TNPO1: variants seen among roughly 807,000 people sequenced by gnomAD.
The protein encoded by TNPO1 is transportin 1, also known as transportin-1.
Under a neutral mutation model 119.5 loss-of-function variants are expected in TNPO1, and 8 were observed. The ratio of observed to expected loss-of-function variants is 0.07; its 90% CI spans 0.04 to 0.12. TNPO1 has a LOEUF of 0.12. Among genes scored for constraint, TNPO1 ranks in the 10% least tolerant of loss-of-function variants. The pLI is 1.00. For missense variants in TNPO1, 576 were observed against 1,089.8 expected, an observed-to-expected ratio of 0.53 and a Z score of 6.64; for synonymous variants, 362 against 363.0, an observed-to-expected ratio of 1.00 and a Z score of 0.03.
intron 6 of TNPO1, among the ~76,000 whole-genome samples, chr5:72,870,484 TTTCTAC>T (rs1306419783): frequency 1.3e-5 from 2 of 152,038 alleles, no homozygotes; most frequent in Non-Finnish European, 2.9e-5. Context: ...TTAATGAAGT[TTTCTAC>T]TTTTCTTTTT....
At chr5:72,842,320 CACTGGAG>C (rs1744950384) in intron 1 of TNPO1, among the ~76,000 whole-genome samples, 2 of 150,556 alleles carry the variant, frequency 1.3e-5, no homozygotes, top group African/African-American at 5.0e-5. Context: ...CCAGACTGGA[CACTGGAG>C]CCAGATTAGT....
intron 18 of TNPO1, among the ~76,000 whole-genome samples, chr5:72,894,640 C>G (rs1372140942): frequency 2.0e-5 from 3 of 152,154 alleles, no homozygotes; most frequent in African/African-American, 7.2e-5. Flanking sequence ...CACTACACTC[C>G]AGCCTGGGCA....
Position 72,908,917 on chromosome 5 carries a change from GT to G in TNPO1, c.*246del. On this transcript the variant is annotated 3_prime_UTR_variant, in exon 25 of 25. Coordinates refer to ENST00000337273, the MANE Select transcript of TNPO1 (RefSeq NM_002270.4). The stretch of plus-strand genomic sequence containing the variant: ...CTTTGTGGGTGGAAATATGTCTCCA[GT>G]TACAACTCCGCAGTGGATGTGAAGA... The G allele has an allele frequency of 2.2e-6, 1 of 452,168 alleles. No homozygotes were observed. Among genetic ancestry groups the G allele is most frequent in the Non-Finnish European group, 4.4e-6 (1 of 224,978 alleles). 28.0% of individuals were successfully genotyped at this position (452,168 alleles called of 1,614,324 possible).
chr5:72,884,217 G>A (rs1748459051), intron 11 of TNPO1, among the ~76,000 whole-genome samples: 1 of 152,108 alleles, frequency 6.6e-6, no homozygotes, highest in Non-Finnish European at 1.5e-5. Context: ...TTCTTCACAT[G>A]CTCACTTGCT....
Position 72,887,066 on chromosome 5 carries a change from T to C in TNPO1, c.1151-4T>C. 6.2e-7 allele frequency: 1 copy of C among 1,603,066 alleles called. No individual in the cohort carries two copies. Among genetic ancestry groups the C allele is most frequent in the Non-Finnish European group, 8.5e-7 (1 of 1,174,882 alleles). Reference sequence around the variant, plus strand: ...TAATATTTTTGAATTAAATATTTCCTTAGGAAAATGTTCTGCTGCTGCCCT... The same window carrying C: ...TAATATTTTTGAATTAAATATTTCCCTAGGAAAATGTTCTGCTGCTGCCCT... On this transcript the variant is annotated splice_region_variant and splice_polypyrimidine_tract_variant and intron_variant, in intron 11 of 24. Transcript: ENST00000337273.
At chr5:72,833,008 A>G (rs1370328433) in intron 1 of TNPO1, among the ~76,000 whole-genome samples, 1 of 152,150 alleles carries the variant, frequency 6.6e-6, no homozygotes, top group Non-Finnish European at 1.5e-5. Context: ...CATGGCAGTC[A>G]TCAGCCTTCA....
At chr5:72,868,871 G>C (rs547284687) in intron 6 of TNPO1, among the ~76,000 whole-genome samples, 1 of 152,194 alleles carries the variant, frequency 6.6e-6, no homozygotes, top group East Asian at 1.9e-4. Context: ...AGCTGGACGT[G>C]GTGGCGGGTG....
In TNPO1 at chr5:72,903,300, ATATT is replaced by A. The variant is rs1338900355; in HGVS notation, c.2515-406_2515-403del. ...ATTTCAAATCAAGGTCATTTAATATATATTTAGCTAGCTTTAATTTCTTTCTAGG... is the reference window on the plus strand; with the variant it reads ...ATTTCAAATCAAGGTCATTTAATATATAGCTAGCTTTAATTTCTTTCTAGG... On this transcript the variant is annotated intron_variant, in intron 22 of 24. Transcript: ENST00000337273. Among the ~76,000 whole-genome samples the A allele has an allele frequency of 7.8e-4, 119 of 152,156 alleles. 1 individual carries two copies. The highest frequency in any genetic ancestry group is 7.8e-3 in the Admixed American group (119 of 15,268).
intron 11 of TNPO1, among the ~76,000 whole-genome samples, chr5:72,883,518 C>G (rs1007331760): frequency 6.6e-6 from 1 of 152,168 alleles, no homozygotes; most frequent in Non-Finnish European, 1.5e-5. Context: ...TGGAGTCATA[C>G]AATGCATTGT....
chr5:72,909,125 T>C lies in TNPO1; in HGVS notation c.*452T>C, dbSNP rs1289875041. On this transcript the variant is annotated 3_prime_UTR_variant, in exon 25 of 25. Coordinates refer to ENST00000337273, the MANE Select transcript of TNPO1 (RefSeq NM_002270.4). ...AGTTACAAATAGTAAAGAAGCTTTT[T>C]TTTTTTTTTTAATTTAAAGTTTTTT... 2 of 154,484 alleles carry C rather than the reference T, an allele frequency of 1.3e-5. No homozygotes were observed. Among genetic ancestry groups the C allele is most frequent in the Non-Finnish European group, 2.9e-5 (2 of 69,454 alleles). The allele number at this position is 154,484 out of a possible 1,614,324, so 9.6% of individuals were successfully genotyped here.
rs899564135 is a variant in TNPO1 at position 72,908,967 on chromosome 5, A to C, written c.*294A>C. On this transcript the variant is annotated 3_prime_UTR_variant, in exon 25 of 25. Coordinates refer to ENST00000337273, the MANE Select transcript of TNPO1 (RefSeq NM_002270.4). ...GAAGCAAAAAAAAAAAAATCTATTC[A>C]GTCTACTCACAAAACAGTACATTGT... 1.3e-5 allele frequency: 6 copies of C among 447,366 alleles called. No homozygotes were observed. Among genetic ancestry groups the C allele is most frequent in the African/African-American group, 8.1e-5 (4 of 49,264 alleles). 27.7% of individuals were successfully genotyped at this position (447,366 alleles called of 1,614,324 possible). A position where few individuals can be genotyped will look rare whatever the true frequency, so the allele number is the denominator to read the frequency against.
intron 10 of TNPO1, among the ~76,000 whole-genome samples, 162 bp downstream of exon 10, chr5:72,882,689 C>A (rs1404410118): frequency 6.6e-6 from 1 of 152,080 alleles, no homozygotes; most frequent in East Asian, 1.9e-4. Flanking sequence ...ATGATAAATT[C>A]TTGCTTAATT....
intron 13 of TNPO1, among the ~76,000 whole-genome samples, chr5:72,889,153 G>A (rs993403014): frequency 6.6e-6 from 1 of 152,144 alleles, no homozygotes; most frequent in Non-Finnish European, 1.5e-5. Flanking sequence ...CGCCTCTCGG[G>A]TTCAAGCAAT....
chr5:72,839,810 G>A (rs1744833104), intron 1 of TNPO1, among the ~76,000 whole-genome samples: 1 of 152,136 alleles, frequency 6.6e-6, no homozygotes, highest in South Asian at 2.1e-4. Flanking sequence ...ATTATAATGT[G>A]TAGTTAGGGT....
chr5:72,856,356 C>T (rs1038783199), intron 4 of TNPO1, among the ~76,000 whole-genome samples: 10 of 152,068 alleles, frequency 6.6e-5, no homozygotes, highest in African/African-American at 2.2e-4. Context: ...CTCAGCCTCC[C>T]GAGTAGCTGT....
intron 1 of TNPO1, 87 bp downstream of exon 1, chr5:72,816,839 G>A: frequency 6.8e-7 from 1 of 1,463,758 alleles, no homozygotes; most frequent in Non-Finnish European, 9.1e-7. Context: ...GCCTACGGGA[G>A]AGACGCCGGG....
chr5:72,867,411 T>G (rs1376041734), intron 6 of TNPO1, among the ~76,000 whole-genome samples: 7 of 152,172 alleles, frequency 4.6e-5, no homozygotes, highest in Admixed American at 4.6e-4. Flanking sequence ...ACTGTTGGAC[T>G]TCAAGAATAT....
chr5:72,855,103 C>G (rs1745881167), intron 3 of TNPO1, among the ~76,000 whole-genome samples: 2 of 151,846 alleles, frequency 1.3e-5, no homozygotes, highest in African/African-American at 4.8e-5. Context: ...TCAAGTGATT[C>G]TCCTGCCTCC....
intron 1 of TNPO1, among the ~76,000 whole-genome samples, chr5:72,826,260 A>G (rs992316242): frequency 5.9e-5 from 9 of 152,128 alleles, no homozygotes; most frequent in East Asian, 3.9e-4. Flanking sequence ...ACCTTCTAAC[A>G]TACTATATTA....
Sources: gnomAD v4.1 joint callset for allele counts (sites outside exome capture counted in the v4.1 genomes callset) on GRCh38, gnomAD v4.1.1 for gene constraint, MANE v1.5 for transcripts, NCBI Gene and HGNC (gene_info 2026-07-23, HGNC 2026-07-21) for gene names.